TMEM134: variants seen among roughly 807,000 people sequenced by gnomAD.
TMEM134 encodes transmembrane protein 134.
In TMEM134, 36 loss-of-function variants were observed where a neutral mutation model predicts 26.2. The observed-to-expected ratio is 1.37, with a 90% CI of 1.05 to 1.81. The LOEUF is 1.81. TMEM134 is among the 40% of genes most tolerant of loss of function. The probability of loss-of-function intolerance (pLI) is 0.00; values close to 1 mark genes in which losing one functional copy is unlikely to be tolerated. For synonymous variants in TMEM134, 133 were observed against 113.6 expected (o/e 1.17, Z -1.08); for missense variants, 339 against 263.5 (o/e 1.29, Z -1.98).
chr11:67,468,958 G>A, intron 1 of TMEM134, 61 bp downstream of exon 1: 13 of 1,392,218 alleles, frequency 9.3e-6, no homozygotes, highest in East Asian at 3.1e-5. Context: ...GAGGCCTTTG[G>A]GGCCCGGCCT....
At position 67,465,092 on chromosome 11, in the gene TMEM134, G is replaced by A; in HGVS notation, c.415C>T (p.Leu139=). 6.3e-7 allele frequency: 1 copy of A among 1,585,628 alleles called. No homozygotes were observed. Among genetic ancestry groups the A allele is most frequent in the Non-Finnish European group, 8.5e-7 (1 of 1,170,050 alleles). The stretch of plus-strand genomic sequence containing the variant: ...GTCGCCTCCAGTCCCACGCCGACCA[G>A]GATCAGCACTGCACACAGACGGAGC... ...LLLLLGLVLI[L]VGVGLEATPS... is the part of the protein sequence containing the mutation. Residue 139 remains leucine (L), a synonymous_variant, in exon 5 of 7, where the codon CTG becomes TTG. Coordinates refer to ENST00000308022, the MANE Select transcript of TMEM134 (RefSeq NM_025124.4).
rs757962667 is a variant in TMEM134, at chr11:67,464,838, A to G, written c.470T>C (p.Phe157Ser). 8 of 1,610,488 alleles carry G rather than the reference A, an allele frequency of 5.0e-6. No individual in the cohort carries two copies. Among genetic ancestry groups the G allele is most frequent in the Non-Finnish European group, 6.8e-6 (8 of 1,179,714 alleles). ...TPSPGVSSAI[F>S]FVPGFLLLVP... Reference sequence around the variant, plus strand: ...CAACAACAGGAAGCCCGGCACGAAGAAGATGGCGCTGGAGACACCTGCGGG... The same window carrying G: ...CAACAACAGGAAGCCCGGCACGAAGGAGATGGCGCTGGAGACACCTGCGGG... The change falls in exon 6 of 7, where the codon TTC (phenylalanine) becomes TCC (serine). Residue 157 changes from phenylalanine to serine, a missense_variant. Transcript: ENST00000308022.
chr11:67,464,330 A>T lies in TMEM134; in HGVS notation c.*284T>A. 2.0e-6 allele frequency: 1 copy of T among 493,766 alleles called. No homozygotes were observed. Among genetic ancestry groups the T allele is most frequent in the Non-Finnish European group, 3.6e-6 (1 of 276,640 alleles). 30.6% of individuals were successfully genotyped at this position (493,766 alleles called of 1,614,324 possible). On this transcript the variant is annotated 3_prime_UTR_variant, in exon 7 of 7. Coordinates refer to ENST00000308022, the MANE Select transcript of TMEM134 (RefSeq NM_025124.4). ...GCTGGTGGGCTGGGCTAGCAGTGGCAGGACAGGAGGAGAGCAATTGCCTCT... is the reference window on the plus strand; with the variant it reads ...GCTGGTGGGCTGGGCTAGCAGTGGCTGGACAGGAGGAGAGCAATTGCCTCT...
intron 1 of TMEM134, 31 bp from the exon 2 acceptor site, chr11:67,468,123 G>A: frequency 1.3e-6 from 2 of 1,546,890 alleles, no homozygotes; most frequent in Non-Finnish European, 1.8e-6. Flanking sequence ...CAGGGGGGTT[G>A]CTGGGCTGGG....
rs1343865735 is a variant in TMEM134, at chr11:67,464,610, G to A, written c.*4C>T. ...GGGCGCAAGGGGTCCACGCTGCGCC[G>A]CGATCACTTCTCGAAGTAGGGCAGG... On this transcript the variant is annotated 3_prime_UTR_variant, in exon 7 of 7. Transcript: ENST00000308022. The A allele has an allele frequency of 3.9e-6, 6 of 1,551,852 alleles. No homozygotes were observed. In the African/African-American group the frequency reaches 4.1e-5, roughly 11 times the overall value.
chr11:67,468,207 T>G (rs1435908504), intron 1 of TMEM134, 115 bp from the exon 2 acceptor site: 1 of 950,518 alleles, frequency 1.1e-6, no homozygotes, highest in East Asian at 2.6e-5. Flanking sequence ...TGGCAGCTGT[T>G]CACCTGGCCC....
chr11:67,461,876 T>C lies in TMEM134; in HGVS notation c.*2738A>G, dbSNP rs181343327. 2 of 152,352 alleles carry C rather than the reference T, an allele frequency of 1.3e-5. No homozygotes were observed. Among genetic ancestry groups the C allele is most frequent in the East Asian group, 1.9e-4 (1 of 5,190 alleles). 9.4% of individuals were successfully genotyped at this position (152,352 alleles called of 1,614,324 possible). A position where few individuals can be genotyped will look rare whatever the true frequency, so the allele number is the denominator to read the frequency against. The stretch of plus-strand genomic sequence containing the variant: ...CTGTGGACTATACCTTGCTGATTCC[T>C]AACGCAGACTTCTAATGATGGGAAT... On this transcript the variant is annotated 3_prime_UTR_variant, in exon 7 of 7. Coordinates refer to ENST00000308022, the MANE Select transcript of TMEM134 (RefSeq NM_025124.4).
At chr11:67,464,732 C>A in intron 6 of TMEM134, 36 bp from the exon 7 acceptor site, 5 of 1,549,598 alleles carry the variant, frequency 3.2e-6, no homozygotes, top group Non-Finnish European at 4.4e-6. Flanking sequence ...GAAGCCCCGC[C>A]CCTCCCCGCA....
intron 6 of TMEM134, 52 bp downstream of exon 6, chr11:67,464,751 C>T (rs2135209096): frequency 3.2e-6 from 5 of 1,549,866 alleles, no homozygotes; most frequent in Non-Finnish European, 4.4e-6. Flanking sequence ...CAACACCGCC[C>T]CCAGTGCCGC....
chr11:67,468,797 G>A (rs1249503509), intron 1 of TMEM134, among the ~76,000 whole-genome samples: 1 of 152,206 alleles, frequency 6.6e-6, no homozygotes, highest in Non-Finnish European at 1.5e-5. Context: ...GAGCTCCCGG[G>A]CCCGGGCACT....
At chr11:67,467,413 ATG>A in intron 3 of TMEM134, 25 bp from the exon 4 acceptor site, 3 of 1,605,902 alleles carry the variant, frequency 1.9e-6, no homozygotes, top group Non-Finnish European at 2.6e-6. Flanking sequence ...AGCAGGGTGA[ATG>A]TGAAGGAGGT....
rs1217289778 is a variant in TMEM134 at position 67,464,876 on chromosome 11, C to G, written c.452-20G>C. On this transcript the variant is annotated intron_variant, in intron 5 of 6. Coordinates refer to ENST00000308022, the MANE Select transcript of TMEM134 (RefSeq NM_025124.4). ...AGACACCTGCGGGAGGGACCAGAGC[C>G]CGGTCAGGGCGAGGGGGCGGAGGCT... 2 of 1,609,378 alleles carry G rather than the reference C, an allele frequency of 1.2e-6. No individual in the cohort carries two copies. Among genetic ancestry groups the G allele is most frequent in the African/African-American group, 2.7e-5 (2 of 74,958 alleles).
chr11:67,464,600 A>T lies in TMEM134; in HGVS notation c.*14T>A. 3 of 1,551,688 alleles carry T rather than the reference A, an allele frequency of 1.9e-6. No individual in the cohort carries two copies. The highest frequency in any genetic ancestry group is 1.7e-6 in the Non-Finnish European group (2 of 1,146,930). On this transcript the variant is annotated 3_prime_UTR_variant, in exon 7 of 7. Transcript: ENST00000308022. Reference sequence around the variant, plus strand: ...GCGCCCCCATGGGCGCAAGGGGTCCACGCTGCGCCGCGATCACTTCTCGAA... The same window carrying T: ...GCGCCCCCATGGGCGCAAGGGGTCCTCGCTGCGCCGCGATCACTTCTCGAA...
chr11:67,464,574 G>C lies in TMEM134; in HGVS notation c.*40C>G, dbSNP rs767417398. 1.6e-5 allele frequency: 24 copies of C among 1,536,604 alleles called. No individual in the cohort carries two copies. In the South Asian group the frequency reaches 2.9e-4, roughly 18 times the overall value. Reference sequence around the variant, plus strand: ...GAGGGGAACGGAACAGGGCAAGAGGGGCGCCCCCATGGGCGCAAGGGGTCC... The same window carrying C: ...GAGGGGAACGGAACAGGGCAAGAGGCGCGCCCCCATGGGCGCAAGGGGTCC... On this transcript the variant is annotated 3_prime_UTR_variant, in exon 7 of 7. Coordinates refer to ENST00000308022, the MANE Select transcript of TMEM134 (RefSeq NM_025124.4).
At chr11:67,464,964 C>T in intron 5 of TMEM134, 92 bp downstream of exon 5, 2 of 1,511,066 alleles carry the variant, frequency 1.3e-6, no homozygotes, top group Non-Finnish European at 9.1e-7. Context: ...GAAAAGGAGC[C>T]GTGTACTGCC....
At chr11:67,467,072 GAA>G (rs894767467) in intron 4 of TMEM134, 25 of 584,418 alleles carry the variant, frequency 4.3e-5, no homozygotes, top group Non-Finnish European at 7.0e-5. Context: ...TTTAAAAAAG[GAA>G]AAGTCTTTGC....
chr11:67,465,102 T>C lies in TMEM134; in HGVS notation c.407-2A>G, dbSNP rs200668561. 21 of 1,583,758 alleles carry C rather than the reference T, an allele frequency of 1.3e-5. No individual in the cohort carries two copies. The African/African-American group carries it at 2.3e-4, about 17-fold the overall frequency. On this transcript the variant is annotated splice_acceptor_variant, in intron 4 of 6. Transcript: ENST00000308022. LOFTEE classifies it high-confidence loss of function. Reference sequence around the variant, plus strand: ...GTCCCACGCCGACCAGGATCAGCACTGCACACAGACGGAGCCGCGGGGGTG... The same window carrying C: ...GTCCCACGCCGACCAGGATCAGCACCGCACACAGACGGAGCCGCGGGGGTG...
At position 67,464,333 on chromosome 11, in the gene TMEM134, ACAG is replaced by A. The variant is rs912476110; in HGVS notation, c.*278_*280del. On this transcript the variant is annotated 3_prime_UTR_variant, in exon 7 of 7. Coordinates refer to ENST00000308022, the MANE Select transcript of TMEM134 (RefSeq NM_025124.4). ...GGTGGGCTGGGCTAGCAGTGGCAGG[ACAG>A]GAGGAGAGCAATTGCCTCTGGTGGA... The A allele has an allele frequency of 1.2e-5, 6 of 503,844 alleles. No individual in the cohort carries two copies. Among genetic ancestry groups the A allele is most frequent in the Middle Eastern group, 5.4e-4 (1 of 1,850 alleles). The allele number at this position is 503,844 out of a possible 1,614,324, so 31.2% of individuals were successfully genotyped here.
chr11:67,467,565 T>A lies in TMEM134; in HGVS notation c.265A>T (p.Ser89Cys), dbSNP rs1161468290. 38 of 1,613,888 alleles carry A rather than the reference T, an allele frequency of 2.4e-5. No homozygotes were observed. The Admixed American group carries it at 5.3e-4, about 23-fold the overall frequency. ...TRDSSRTSIR[S>C]SQWSFSTISS... is the part of the protein sequence containing the mutation. ...ATGGTGCTGAAGGACCACTGGGAGC[T>A]GCGGATGGAAGTTCGGCTGGAATCC... Residue 89 changes from serine (S) to cysteine (C), a missense_variant, in exon 3 of 7, where the codon AGC becomes TGC. Coordinates refer to ENST00000308022, the MANE Select transcript of TMEM134 (RefSeq NM_025124.4).
Sources: allele counts gnomAD v4.1 joint callset (sites outside exome capture counted in the v4.1 genomes callset), GRCh38; gene constraint gnomAD v4.1.1; transcripts MANE v1.5; gene names NCBI Gene and HGNC (gene_info 2026-07-23, HGNC 2026-07-21).